Variants in TBX21 observed in about 807,000 individuals in gnomAD.
TBX21 encodes T-box transcription factor TBX21.
Under a neutral mutation model 52.2 loss-of-function variants are expected in TBX21, and 11 were observed. The ratio of observed to expected loss-of-function variants is 0.21; its 90% CI spans 0.13 to 0.35. The LOEUF (loss-of-function observed/expected upper bound fraction) is 0.35, where lower values mean the gene tolerates loss of function less well. Ranked by LOEUF, TBX21 falls within the 10% of genes least tolerant of loss-of-function variation. The pLI is 1.00. For missense variants in TBX21, 625 were observed against 755.1 expected (o/e 0.83, Z 2.02); for synonymous variants, 300 against 316.1 (o/e 0.95, Z 0.54).
intron 3 of TBX21, among the ~76,000 whole-genome samples, chr17:47,743,677 C>T (rs1427192043): frequency 6.6e-6 from 1 of 151,906 alleles, no homozygotes; most frequent in African/African-American, 2.4e-5. Context: ...GTCAGGAGTT[C>T]AAGACCAGCC....
In TBX21 at chr17:47,745,022, G is replaced by A; in HGVS notation, c.1264G>A (p.Gly422Ser). 1 of 1,612,656 alleles carries A rather than the reference G, an allele frequency of 6.2e-7. No individual in the cohort carries two copies. Among genetic ancestry groups the A allele is most frequent in the Non-Finnish European group, 8.5e-7 (1 of 1,180,014 alleles). ...APGPTMSYYR[G>S]QEVLAPGAGW... ...TGGGCCCACCATGTCCTACTACCGA[G>A]GCCAGGAGGTCCTGGCACCTGGAGC... Residue 422 changes from glycine to serine, a missense_variant, in exon 6 of 6, where the codon GGC becomes AGC. Physicochemically the swap from Gly to Ser is moderately conservative, Grantham distance 56. Around this residue, in one of 4 missense-constraint regions of TBX21, gnomAD observed 261 missense variants for 275.1 expected, o/e 0.95. Coordinates refer to ENST00000177694, the MANE Select transcript of TBX21 (RefSeq NM_013351.2).
chr17:47,736,986 C>G (rs1469608807), intron 1 of TBX21, among the ~76,000 whole-genome samples: 1 of 152,188 alleles, frequency 6.6e-6, no homozygotes, highest in Non-Finnish European at 1.5e-5. Context: ...CGGTATTGAC[C>G]AGCGCCAGTG....
At chr17:47,735,830 A>T (rs1597982361) in intron 1 of TBX21, among the ~76,000 whole-genome samples, 1 of 152,054 alleles carries the variant, frequency 6.6e-6, no homozygotes, top group African/African-American at 2.4e-5. Context: ...GGGCCTCTTA[A>T]CCTTCCACTC....
Position 47,733,464 on chromosome 17 carries a change from G to T in TBX21, c.10G>T (p.Val4Leu). 2 of 1,487,498 alleles carry T rather than the reference G, an allele frequency of 1.3e-6. 1 individual carries two copies. The highest frequency in any genetic ancestry group is 2.5e-5 in the South Asian group (2 of 78,916). 92.1% of individuals were successfully genotyped at this position (1,487,498 alleles called of 1,614,324 possible). A position where few individuals can be genotyped will look rare whatever the true frequency, so the allele number is the denominator to read the frequency against. ...TGCCAGCCCGCCCCGGATGGGCATC[G>T]TGGAGCCGGGTTGCGGAGACATGCT... MGI[V>L]EPGCGDMLTG... Residue 4 changes from valine to leucine, a missense_variant, in exon 1 of 6, where the codon GTG becomes TTG. Val to Leu is a conservative substitution (Grantham distance 32). Coordinates refer to ENST00000177694, the MANE Select transcript of TBX21 (RefSeq NM_013351.2). The surrounding 1 kb of genome is among the most constrained non-coding windows in gnomAD (Gnocchi z 6.6).
intron 1 of TBX21, among the ~76,000 whole-genome samples, chr17:47,739,259 G>A (rs1232058603): frequency 2.0e-5 from 3 of 152,148 alleles, no homozygotes; most frequent in Admixed American, 6.5e-5. Flanking sequence ...GGGAGAAACC[G>A]AGATCTCCTT....
intron 1 of TBX21, among the ~76,000 whole-genome samples, chr17:47,741,719 G>A (rs1417014532): frequency 6.6e-6 from 1 of 152,170 alleles, no homozygotes; most frequent in Non-Finnish European, 1.5e-5. Context: ...ACTGAGGCGT[G>A]AGGACCTTCC....
At position 47,744,775 on chromosome 17, in the gene TBX21, C is replaced by T. The variant is rs371100237; in HGVS notation, c.1017C>T (p.Ile339=). ...TGTACACATCTGTTGACACCAGCAT[C>T]CCCTCCCCGCCTGGACCCAACTGTC... ...ESMYTSVDTS[I]PSPPGPNCQF... The change falls in exon 6 of 6, where the codon ATC becomes ATT. Residue 339 remains isoleucine (I), a synonymous_variant. Transcript: ENST00000177694. The T allele has an allele frequency of 1.2e-6, 2 of 1,613,766 alleles. No individual in the cohort carries two copies. Among genetic ancestry groups the T allele is most frequent in the African/African-American group, 1.3e-5 (1 of 74,908 alleles).
chr17:47,739,471 C>A (rs1597983790), intron 1 of TBX21, among the ~76,000 whole-genome samples: 1 of 11,122 alleles, frequency 9.0e-5, no homozygotes, highest in African/African-American at 4.4e-4. Flanking sequence ...AAAAAAAAAT[C>A]AGTATGGCCT....
intron 1 of TBX21, among the ~76,000 whole-genome samples, chr17:47,736,771 G>A (rs142523698): frequency 9.5e-4 from 145 of 152,086 alleles, no homozygotes; most frequent in African/African-American, 3.2e-3. Flanking sequence ...CTTCCTTTCC[G>A]TCTTCCTGCT....
Position 47,742,998 on chromosome 17 carries a change from G to A in TBX21, c.647-73G>A. The A allele has an allele frequency of 8.8e-6, 14 of 1,584,210 alleles. No individual in the cohort carries two copies. Among genetic ancestry groups the A allele is most frequent in the Non-Finnish European group, 1.2e-5 (14 of 1,166,224 alleles). On this transcript the variant is annotated intron_variant, in intron 2 of 5. Coordinates refer to ENST00000177694, the MANE Select transcript of TBX21 (RefSeq NM_013351.2). The surrounding 1 kb of genome is among the most constrained non-coding windows in gnomAD (Gnocchi z 4.4). ...CTGTGTCCTTCCTTACGTCCCTCTC[G>A]GGACAGGCAAAGCCCTACATCACCA... is the stretch of plus-strand genomic sequence containing the variant.
At position 47,745,197 on chromosome 17, in the gene TBX21, T is replaced by C. The variant is rs371795833; in HGVS notation, c.1439T>C (p.Ile480Thr). ...DQGPPLVWTE[I>T]APIRPESSDS... ...GGTCCCCCCTTGGTGTGGACTGAGA[T>C]TGCCCCCATCCGGCCGGAATCCAGT... Residue 480 changes from isoleucine to threonine, a missense_variant, in exon 6 of 6, where the codon ATT becomes ACT. By Grantham distance (89) the Ile-to-Thr change is moderately conservative. Transcript: ENST00000177694. 2.8e-5 allele frequency: 46 copies of C among 1,614,198 alleles called. No homozygotes were observed. The African/African-American group carries it at 5.9e-4, about 21-fold the overall frequency.
intron 1 of TBX21, among the ~76,000 whole-genome samples, chr17:47,735,938 T>C (rs2032202555): frequency 6.6e-6 from 1 of 152,096 alleles, no homozygotes; most frequent in South Asian, 2.1e-4. Context: ...TCTTGAGGGA[T>C]GGGGTGGATG....
At chr17:47,742,000 A>G (rs1213672355) in intron 1 of TBX21, among the ~76,000 whole-genome samples, 1 of 152,110 alleles carries the variant, frequency 6.6e-6, no homozygotes, top group African/African-American at 2.4e-5. Flanking sequence ...GATAGACGGA[A>G]GTAACCTCGA....
chr17:47,743,323 T>G, intron 3 of TBX21, 131 bp downstream of exon 3: 1 of 1,273,754 alleles, frequency 7.9e-7, no homozygotes, highest in Non-Finnish European at 1.1e-6. Context: ...GGAAGGTTCG[T>G]TTTTCTTCTG....
intron 1 of TBX21, among the ~76,000 whole-genome samples, chr17:47,736,524 TC>T (rs1216746007): frequency 9.2e-5 from 14 of 152,210 alleles, no homozygotes; most frequent in African/African-American, 3.1e-4. Context: ...TCTGAGGGGC[TC>T]CATACGCGGG....
At chr17:47,735,902 G>T (rs1280395646) in intron 1 of TBX21, among the ~76,000 whole-genome samples, 3 of 152,180 alleles carry the variant, frequency 2.0e-5, no homozygotes, top group South Asian at 2.1e-4. Flanking sequence ...CACAGCCTCT[G>T]CCAGGCCTCT....
rs376639509 is a variant in TBX21 at position 47,735,746 on chromosome 17, A to G, written c.491+1801A>G. On this transcript the variant is annotated intron_variant, in intron 1 of 5. Transcript: ENST00000177694. ...GTTAGGTAGGCCAAGCAGTCTCCCC[A>G]TTTTACAGTTGAGGTCACTGAGTTG... Among the ~76,000 whole-genome samples the G allele has an allele frequency of 1.2e-4, 18 of 152,148 alleles. 1 individual carries two copies. The highest frequency in any genetic ancestry group is 9.6e-4 in the East Asian group (5 of 5,194).
In TBX21 at chr17:47,733,359, C is replaced by G; in HGVS notation, c.-96C>G. 1 of 1,342,462 alleles carries G rather than the reference C, an allele frequency of 7.4e-7. No homozygotes were observed. The highest frequency in any genetic ancestry group is 1.8e-5 in the South Asian group (1 of 56,592). The allele number at this position is 1,342,462 out of a possible 1,614,324, so 83.2% of individuals were successfully genotyped here. A position where few individuals can be genotyped will look rare whatever the true frequency, so the allele number is the denominator to read the frequency against. On this transcript the variant is annotated 5_prime_UTR_variant, in exon 1 of 6. Transcript: ENST00000177694. This position sits in a 1 kb window ranked among gnomAD's most constrained non-coding sequence, Gnocchi z 6.6. ...TCCCCCACCCGGCCCTCGGGTCCCC[C>G]GCCCCCTGCTCCCTGCCCATCCCAG...
At chr17:47,734,382 C>T (rs1236867231) in intron 1 of TBX21, among the ~76,000 whole-genome samples, 1 of 151,982 alleles carries the variant, frequency 6.6e-6, no homozygotes, top group Non-Finnish European at 1.5e-5. Flanking sequence ...GCCCCCTGCG[C>T]CCACCTCCCC....
Sources: gnomAD v4.1 joint callset for allele counts (sites outside exome capture counted in the v4.1 genomes callset) on GRCh38, gnomAD v4.1.1 for gene constraint, gnomAD v4.1.1 regional missense constraint, Gnocchi (gnomAD v3.1) non-coding constraint, MANE v1.5 for transcripts, NCBI Gene and HGNC (gene_info 2026-07-23, HGNC 2026-07-21) for gene names.